CYSLTR2: variants seen among roughly 807,000 people sequenced by gnomAD.
CYSLTR2 encodes the protein cysteinyl leukotriene receptor 2.
For missense variants in CYSLTR2, 398 were observed against 411.9 expected (o/e 0.97, Z 0.29); for synonymous variants, 179 against 160.8 (o/e 1.11, Z -0.86).
chr13:48,697,233 G>A (rs869126420), intron 4 of CYSLTR2, among the ~76,000 whole-genome samples: 3 of 152,110 alleles, frequency 2.0e-5, no homozygotes, highest in Admixed American at 6.5e-5. Flanking sequence ...CCTGACCCCC[G>A]AGTAGCCTAA....
At chr13:48,654,651 A>G (rs1445061455) in intron 1 of CYSLTR2, among the ~76,000 whole-genome samples, 1 of 152,202 alleles carries the variant, frequency 6.6e-6, no homozygotes, top group Non-Finnish European at 1.5e-5. Flanking sequence ...AGAATGAAAG[A>G]GTATGTGAGA....
At chr13:48,670,370 G>T (rs1029402217) in intron 1 of CYSLTR2, among the ~76,000 whole-genome samples, 2 of 152,182 alleles carry the variant, frequency 1.3e-5, no homozygotes, top group African/African-American at 4.8e-5. Context: ...TGTCCTGAAT[G>T]ATATAGCCTA....
intron 4 of CYSLTR2, among the ~76,000 whole-genome samples, chr13:48,700,211 A>G (rs1954303047): frequency 6.6e-6 from 1 of 152,214 alleles, no homozygotes; most frequent in Non-Finnish European, 1.5e-5. Context: ...GCAGAGACAC[A>G]ACAACAAAAG....
chr13:48,684,138 A>G (rs1953834819), intron 1 of CYSLTR2, among the ~76,000 whole-genome samples: 1 of 151,974 alleles, frequency 6.6e-6, no homozygotes, highest in East Asian at 1.9e-4. Context: ...TATGTTGGCC[A>G]GGCTGATCTT....
chr13:48,707,947 C>T lies in CYSLTR2; in HGVS notation c.*89C>T. ...AAATGACTTTGTATTTACATCACTC[C>T]CAACAAATGTTGATTCTTAATATTT... On this transcript the variant is annotated 3_prime_UTR_variant, in exon 5 of 5. Transcript: ENST00000682523. The T allele has an allele frequency of 9.3e-7, 1 of 1,080,338 alleles. No homozygotes were observed. Among genetic ancestry groups the T allele is most frequent in the African/African-American group, 1.6e-5 (1 of 63,118 alleles). The allele number at this position is 1,080,338 out of a possible 1,614,324, so 66.9% of individuals were successfully genotyped here.
In CYSLTR2 at chr13:48,703,447, G is replaced by A. The variant is rs1954401846; in HGVS notation, c.-1-3370G>A. 2.0e-5 allele frequency among the ~76,000 whole-genome samples: 3 copies of A among 152,134 alleles called. No individual in the cohort carries two copies. In the South Asian group the frequency reaches 6.2e-4, roughly 32 times the overall value. On this transcript the variant is annotated intron_variant, in intron 4 of 4. Coordinates refer to ENST00000682523, the MANE Select transcript of CYSLTR2 (RefSeq NM_001308476.3). The stretch of plus-strand genomic sequence containing the variant: ...TTTACTATGAAGTATAATGTTATCT[G>A]TAGGTTTTTTGTATATGCTCTTTAT...
At chr13:48,697,038 C>G (rs1246437837) in intron 4 of CYSLTR2, among the ~76,000 whole-genome samples, 1 of 152,228 alleles carries the variant, frequency 6.6e-6, no homozygotes, top group Non-Finnish European at 1.5e-5. Context: ...GAGCCCACCA[C>G]AGCTCAAGGA....
chr13:48,665,034 T>G (rs557113978), intron 1 of CYSLTR2, among the ~76,000 whole-genome samples: 2 of 152,226 alleles, frequency 1.3e-5, no homozygotes, highest in East Asian at 3.9e-4. Context: ...TTTCAAGGAA[T>G]TTTAAAATTA....
chr13:48,694,090 G>C (rs919848562), intron 3 of CYSLTR2, among the ~76,000 whole-genome samples: 1 of 152,158 alleles, frequency 6.6e-6, no homozygotes, highest in Non-Finnish European at 1.5e-5. Context: ...GGTCTGTAAG[G>C]GTGGCACTTG....
intron 1 of CYSLTR2, among the ~76,000 whole-genome samples, chr13:48,654,274 T>A (rs1952945175): frequency 2.8e-5 from 3 of 108,160 alleles, no homozygotes; most frequent in African/African-American, 5.6e-5. Context: ...TGTGTGTGTG[T>A]GTGTGTGTGT....
At chr13:48,672,891 C>T (rs1369666825) in intron 1 of CYSLTR2, among the ~76,000 whole-genome samples, 3 of 152,244 alleles carry the variant, frequency 2.0e-5, no homozygotes, top group Non-Finnish European at 2.9e-5. Context: ...ACTGGGATTA[C>T]AGGCATGAGC....
At chr13:48,674,135 G>C (rs76176216) in intron 1 of CYSLTR2, among the ~76,000 whole-genome samples, 1 of 152,120 alleles carries the variant, frequency 6.6e-6, no homozygotes, top group Non-Finnish European at 1.5e-5. Flanking sequence ...TCTTAGTGGT[G>C]TTCTCTGTAT....
rs74801205 is a variant in CYSLTR2 at position 48,654,527 on chromosome 13, T to G, written c.-266+510T>G. 3.2e-3 allele frequency among the ~76,000 whole-genome samples: 482 copies of G among 152,318 alleles called. 4 individuals carry two copies. The highest frequency in any genetic ancestry group is 0.011 in the African/African-American group (454 of 41,564). Reference sequence around the variant, plus strand: ...TGGCTGTTATCCTCTTTTTCATAGTTTGGGTCCTTCTATTATATAAGATAT... The same window carrying G: ...TGGCTGTTATCCTCTTTTTCATAGTGTGGGTCCTTCTATTATATAAGATAT... On this transcript the variant is annotated intron_variant, in intron 1 of 4. Transcript: ENST00000682523.
At chr13:48,663,154 G>GATATTTGGA (rs143552137) in intron 1 of CYSLTR2, among the ~76,000 whole-genome samples, 8,061 of 152,104 alleles carry the variant, frequency 0.053, 248 homozygotes, top group Non-Finnish European at 0.061. Flanking sequence ...GTTTGCTGTA[G>GATATTTGGA]ATATTTGGAT....
chr13:48,680,795 CTTTTCTTTT>C (rs1432217195), intron 1 of CYSLTR2, among the ~76,000 whole-genome samples: 3 of 110,588 alleles, frequency 2.7e-5, no homozygotes, highest in African/African-American at 4.2e-5. Flanking sequence ...CTTTTCTTTT[CTTTTCTTTT>C]TTTTTTTTTT....
chr13:48,661,176 T>G (rs1332313958), intron 1 of CYSLTR2, among the ~76,000 whole-genome samples: 1 of 152,084 alleles, frequency 6.6e-6, no homozygotes, highest in Non-Finnish European at 1.5e-5. Context: ...GCTCTTGAAT[T>G]CCTGGGCTCA....
intron 4 of CYSLTR2, among the ~76,000 whole-genome samples, chr13:48,699,706 T>A (rs7984829): frequency 6.6e-6 from 1 of 151,552 alleles, no homozygotes; most frequent in African/African-American, 2.4e-5. Flanking sequence ...CAAAAACCCT[T>A]AAAAAAAATC....
intron 1 of CYSLTR2, among the ~76,000 whole-genome samples, chr13:48,679,435 T>C (rs1305836177): frequency 6.6e-6 from 1 of 152,170 alleles, no homozygotes; most frequent in Non-Finnish European, 1.5e-5. Flanking sequence ...GGGCTGAGTA[T>C]ATGTGGCACA....
chr13:48,706,925 C>A lies in CYSLTR2; in HGVS notation c.108C>A (p.Phe36Leu), dbSNP rs74936695. The A allele has an allele frequency of 2.3e-4, 378 of 1,614,172 alleles. 2 individuals carry two copies. The East Asian group carries it at 8.3e-3, about 35-fold the overall frequency. The change falls in exon 5 of 5, where the codon TTC becomes TTA. Residue 36 changes from phenylalanine (F) to leucine (L), a missense_variant. Physicochemically the swap from Phe to Leu is conservative, Grantham distance 22. Transcript: ENST00000682523. Reference protein sequence around the residue: ...NNSRNCTIENFKREFFPIVYL... With the variant: ...NNSRNCTIENLKREFFPIVYL... ...GCAGGAACTGCACAATTGAAAACTTCAAGAGAGAATTTTTCCCAATTGTAT... is the reference window on the plus strand; with the variant it reads ...GCAGGAACTGCACAATTGAAAACTTAAAGAGAGAATTTTTCCCAATTGTAT...
Sources: gnomAD v4.1 joint callset for allele counts (sites outside exome capture counted in the v4.1 genomes callset) on GRCh38, gnomAD v4.1.1 for gene constraint, MANE v1.5 for transcripts, NCBI Gene and HGNC (gene_info 2026-07-23, HGNC 2026-07-21) for gene names.